Variants in ASRGL1 observed in about 807,000 individuals in gnomAD.
ASRGL1 encodes isoaspartyl peptidase/L-asparaginase.
ASRGL1 carries 16 observed loss-of-function variants against 22.4 expected under a neutral mutation model. That is an observed-to-expected ratio of 0.71 (90% CI 0.48 to 1.08). The LOEUF is 1.08. Ranked by LOEUF, ASRGL1 falls within the 50% of genes least tolerant of loss-of-function variation. The pLI is 0.00. For missense variants in ASRGL1, 412 were observed against 410.1 expected (o/e 1.00, Z -0.04); for synonymous variants, 165 against 159.3 (o/e 1.04, Z -0.27).
rs565410423 is a variant in ASRGL1, at chr11:62,356,242, G to T, written c.191-83G>T. On this transcript the variant is annotated intron_variant, in intron 2 of 6. Transcript: ENST00000415229. ...ACCTCCCGGATGGGGCGGCTGGCCG[G>T]GCGGGGGGCTGACCCCCCCACCTCC... 1.5e-5 allele frequency: 23 copies of T among 1,522,884 alleles called. No homozygotes were observed. In the South Asian group the frequency reaches 2.5e-4, roughly 17 times the overall value. 94.3% of individuals were successfully genotyped at this position (1,522,884 alleles called of 1,614,324 possible).
intron 4 of ASRGL1, among the ~76,000 whole-genome samples, chr11:62,373,535 A>C (rs1946831266): frequency 6.6e-6 from 1 of 151,984 alleles, no homozygotes; most frequent in African/African-American, 2.4e-5. Context: ...TAGCATCGTG[A>C]TCTAAGTGGA....
intron 2 of ASRGL1, among the ~76,000 whole-genome samples, chr11:62,353,639 G>C (rs1946215648): frequency 6.6e-6 from 1 of 152,028 alleles, no homozygotes; most frequent in Admixed American, 6.6e-5. Context: ...CACCATGCCT[G>C]GCCAATGGCT....
chr11:62,366,083 G>A (rs1946604469), intron 4 of ASRGL1, among the ~76,000 whole-genome samples: 2 of 144,560 alleles, frequency 1.4e-5, no homozygotes, highest in South Asian at 4.6e-4. Context: ...CCAACATGGT[G>A]AAACCCCGTC....
chr11:62,341,340 A>G (rs564628267), intron 2 of ASRGL1, among the ~76,000 whole-genome samples: 6 of 151,870 alleles, frequency 4.0e-5, no homozygotes, highest in African/African-American at 1.2e-4. Flanking sequence ...CTGGGACTAT[A>G]GGCACCCACC....
At chr11:62,343,673 A>T (rs1024624144) in intron 2 of ASRGL1, among the ~76,000 whole-genome samples, 2 of 145,462 alleles carry the variant, frequency 1.4e-5, no homozygotes, top group African/African-American at 5.0e-5. Flanking sequence ...GGTTGTAGTG[A>T]GCCAAGATGG....
chr11:62,364,966 G>A (rs554378790), intron 4 of ASRGL1, among the ~76,000 whole-genome samples: 2 of 151,772 alleles, frequency 1.3e-5, no homozygotes, highest in Non-Finnish European at 2.9e-5. Flanking sequence ...CTACTTGGAA[G>A]GCTGAGGCAG....
At chr11:62,360,360 CT>C (rs528597188) in intron 4 of ASRGL1, among the ~76,000 whole-genome samples, 85 of 151,010 alleles carry the variant, frequency 5.6e-4, no homozygotes, top group African/African-American at 2.0e-3. Context: ...TTTAGATTAG[CT>C]CTTTATTTTT....
At chr11:62,389,018 T>C (rs1947276896) in intron 4 of ASRGL1, 115 bp from the exon 5 acceptor site, 1 of 868,748 alleles carries the variant, frequency 1.2e-6, no homozygotes, top group Non-Finnish European at 1.8e-6. Flanking sequence ...TGGAATTAAA[T>C]GGGTGCCCCA....
downstream of ASRGL1, among the ~76,000 whole-genome samples, chr11:62,394,833 G>T (rs1413301404): frequency 6.6e-6 from 1 of 152,104 alleles, no homozygotes; most frequent in African/African-American, 2.4e-5. Context: ...GACCTGAGTT[G>T]TACCAAAAGC....
At chr11:62,386,468 T>A in intron 4 of ASRGL1, among the ~76,000 whole-genome samples, 2 of 149,058 alleles carry the variant, frequency 1.3e-5, no homozygotes, top group East Asian at 2.0e-4. Context: ...ATCATACATA[T>A]CATAGATATG....
chr11:62,355,850 T>G (rs557890180), intron 2 of ASRGL1, among the ~76,000 whole-genome samples: 2 of 151,752 alleles, frequency 1.3e-5, no homozygotes, highest in Admixed American at 6.6e-5. Flanking sequence ...CTTCGAGCAT[T>G]TGTTTAACAA....
At chr11:62,388,743 TCTC>T (rs1947271234) in intron 4 of ASRGL1, among the ~76,000 whole-genome samples, 1 of 151,308 alleles carries the variant, frequency 6.6e-6, no homozygotes, top group East Asian at 1.9e-4. Context: ...TCCTTTCCTT[TCTC>T]CTCTTGGTGG....
intron 4 of ASRGL1, chr11:62,372,986 G>A: frequency 7.0e-7 from 1 of 1,419,602 alleles, no homozygotes; most frequent in South Asian, 1.1e-5. Context: ...CGACCTTTGG[G>A]GAACTGGGCT....
chr11:62,357,493 G>A (rs544918834), intron 4 of ASRGL1, among the ~76,000 whole-genome samples: 9 of 143,858 alleles, frequency 6.3e-5, no homozygotes, highest in African/African-American at 1.3e-4. Flanking sequence ...AACTCCTGAC[G>A]TCAGGTGATC....
chr11:62,343,625 T>C (rs1394677573), intron 2 of ASRGL1, among the ~76,000 whole-genome samples: 2 of 142,060 alleles, frequency 1.4e-5, no homozygotes, highest in African/African-American at 2.6e-5. Flanking sequence ...CCACTCGGGA[T>C]GCTGAGGCAG....
At chr11:62,386,510 AG>A (rs929895925) in intron 4 of ASRGL1, among the ~76,000 whole-genome samples, 3 of 150,830 alleles carry the variant, frequency 2.0e-5, no homozygotes, top group African/African-American at 5.0e-5. Context: ...AGATATGTAT[AG>A]GGGGAAAGAT....
intron 2 of ASRGL1, among the ~76,000 whole-genome samples, chr11:62,341,684 T>A (rs1945866705): frequency 6.6e-6 from 1 of 152,154 alleles, no homozygotes; most frequent in Non-Finnish European, 1.5e-5. Context: ...TTTTAATGGG[T>A]TTGGTGTTGG....
chr11:62,392,605 A>G lies in ASRGL1; in HGVS notation c.*321A>G, dbSNP rs1438068589. ...AAAAAAGAAAAGGGAAAAAAGAAAG[A>G]AAGCAGCAGCATGATCCTGACATGA... On this transcript the variant is annotated 3_prime_UTR_variant, in exon 7 of 7. Coordinates refer to ENST00000415229, the MANE Select transcript of ASRGL1 (RefSeq NM_001083926.2). 10 of 372,700 alleles carry G rather than the reference A, an allele frequency of 2.7e-5. No homozygotes were observed. Among genetic ancestry groups the G allele is most frequent in the South Asian group, 5.2e-5 (2 of 38,428 alleles). 23.1% of individuals were successfully genotyped at this position (372,700 alleles called of 1,614,324 possible).
chr11:62,386,065 G>A (rs1478122638), intron 4 of ASRGL1, among the ~76,000 whole-genome samples: 1 of 152,056 alleles, frequency 6.6e-6, no homozygotes, highest in Non-Finnish European at 1.5e-5. Flanking sequence ...GGGAGGCTTA[G>A]GCAGGAGAAT....
Sources: allele counts gnomAD v4.1 joint callset (sites outside exome capture counted in the v4.1 genomes callset), GRCh38; gene constraint gnomAD v4.1.1; transcripts MANE v1.5; gene names NCBI Gene and HGNC (gene_info 2026-07-23, HGNC 2026-07-21).